Variants in ALOXE3 observed in about 807,000 individuals in gnomAD.
ALOXE3 encodes the protein arachidonate epidermal lipoxygenase 3.
Under a neutral mutation model 87.5 loss-of-function variants are expected in ALOXE3, and 78 were observed. The observed-to-expected ratio is 0.89, with a 90% CI of 0.74 to 1.08. The LOEUF is 1.08. Ranked by LOEUF, ALOXE3 falls within the 50% of genes least tolerant of loss-of-function variation. ALOXE3 has a pLI of 0.00. For synonymous variants in ALOXE3, 363 were observed against 370.8 expected (o/e 0.98, Z 0.24); for missense variants, 946 against 912.4 (o/e 1.04, Z -0.47).
intron 12 of ALOXE3, 50 bp downstream of exon 12, chr17:8,109,124 C>A (rs1199806065): frequency 1.2e-6 from 2 of 1,606,978 alleles, no homozygotes; most frequent in Non-Finnish European, 1.7e-6. Context: ...CACAATGTCC[C>A]AGGCCAGGAG....
chr17:8,108,335 A>G (rs866535155), intron 13 of ALOXE3, 133 bp downstream of exon 13: 5 of 1,383,022 alleles, frequency 3.6e-6, no homozygotes, highest in Admixed American at 4.1e-5. Context: ...GCCTCTTTCC[A>G]TATCTGCTAG....
rs576343064 is a variant in ALOXE3, at chr17:8,096,428, G to C, written c.*199C>G. ...TTGGTCAGCGGCTTTTAACCTGGAC[G>C]CTGCTGTGCTGGTCTCTCACAGCTC... On this transcript the variant is annotated 3_prime_UTR_variant, in exon 16 of 16. Coordinates refer to ENST00000448843, the MANE Select transcript of ALOXE3 (RefSeq NM_021628.3). 2 of 600,340 alleles carry C rather than the reference G, an allele frequency of 3.3e-6. No individual in the cohort carries two copies. Among genetic ancestry groups the C allele is most frequent in the African/African-American group, 3.7e-5 (2 of 54,290 alleles). 37.2% of individuals were successfully genotyped at this position (600,340 alleles called of 1,614,324 possible).
intron 15 of ALOXE3, among the ~76,000 whole-genome samples, chr17:8,099,037 T>G (rs1245905785): frequency 6.7e-6 from 1 of 150,188 alleles, no homozygotes; most frequent in African/African-American, 2.4e-5. Context: ...TTTTTTTTTT[T>G]TTGGAGAGAC....
Position 8,103,558 on chromosome 17 carries a change from C to T in ALOXE3, c.1786-65G>A, listed in dbSNP as rs976199846. The T allele has an allele frequency of 1.0e-5, 16 of 1,549,662 alleles. No individual in the cohort carries two copies. In the African/African-American group the frequency reaches 2.0e-4, roughly 20 times the overall value. On this transcript the variant is annotated intron_variant, in intron 14 of 15. Coordinates refer to ENST00000448843, the MANE Select transcript of ALOXE3 (RefSeq NM_021628.3). ...AGGGGAGTATCACCTCCCTCTTCACCATCCCTGATTCCACCTCTGCCGTCC... is the reference window on the plus strand; with the variant it reads ...AGGGGAGTATCACCTCCCTCTTCACTATCCCTGATTCCACCTCTGCCGTCC...
At chr17:8,113,894 A>G (rs569608497) in intron 6 of ALOXE3, among the ~76,000 whole-genome samples, 10 of 150,756 alleles carry the variant, frequency 6.6e-5, no homozygotes, top group South Asian at 2.1e-4. Flanking sequence ...GCATGGTGGC[A>G]CCTGCCTGTA....
chr17:8,106,542 A>G (rs1979325581), intron 13 of ALOXE3, among the ~76,000 whole-genome samples: 1 of 152,188 alleles, frequency 6.6e-6, no homozygotes, highest in Non-Finnish European at 1.5e-5. Context: ...CAAAAACAAA[A>G]AATAAAAACA....
chr17:8,099,155 G>A (rs540086249), intron 15 of ALOXE3, among the ~76,000 whole-genome samples: 87 of 151,624 alleles, frequency 5.7e-4, no homozygotes, highest in African/African-American at 2.0e-3. Flanking sequence ...ACTGCACCCG[G>A]CCTTATAATT....
In ALOXE3 at chr17:8,099,213, C is replaced by T. The variant is rs1037550310; in HGVS notation, c.1957-2407G>A. ...CACGTAAGCACTGTACATGAACCAT[C>T]GCAACCATACATCAACTCTGAAGAC... On this transcript the variant is annotated intron_variant, in intron 15 of 15. Coordinates refer to ENST00000448843, the MANE Select transcript of ALOXE3 (RefSeq NM_021628.3). 9.2e-5 allele frequency among the ~76,000 whole-genome samples: 14 copies of T among 152,040 alleles called. No individual in the cohort carries two copies. The South Asian group carries it at 2.1e-3, about 23-fold the overall frequency.
Position 8,118,174 on chromosome 17 carries a change from C to A in ALOXE3, c.-184G>T, listed in dbSNP as rs926517115. On this transcript the variant is annotated 5_prime_UTR_variant, in exon 2 of 16. Transcript: ENST00000448843. ...GTTCCTGGGCTTTCTCTCTCCGAAGCTCCCTGCTGGCGGCTCGGGCTTCCT... is the reference window on the plus strand; with the variant it reads ...GTTCCTGGGCTTTCTCTCTCCGAAGATCCCTGCTGGCGGCTCGGGCTTCCT... 1.3e-6 allele frequency: 2 copies of A among 1,551,616 alleles called. No individual in the cohort carries two copies. The highest frequency in any genetic ancestry group is 1.7e-6 in the Non-Finnish European group (2 of 1,147,002).
chr17:8,108,285 C>G (rs918453793), intron 13 of ALOXE3, among the ~76,000 whole-genome samples, 183 bp downstream of exon 13: 1 of 152,330 alleles, frequency 6.6e-6, no homozygotes, highest in East Asian at 1.9e-4. Context: ...TGGAGACAGT[C>G]GGAGCTGGCT....
At position 8,118,066 on chromosome 17, in the gene ALOXE3, C is replaced by G. The variant is rs1177542320; in HGVS notation, c.-76G>C. On this transcript the variant is annotated 5_prime_UTR_variant, in exon 2 of 16. Transcript: ENST00000448843. ...GGCCTGGAGGAGAAGAGCGGCACGC[C>G]GGACAGGGCTGGGTTTCTGGGCGGA... 4 of 1,577,444 alleles carry G rather than the reference C, an allele frequency of 2.5e-6. No homozygotes were observed. Among genetic ancestry groups the G allele is most frequent in the East Asian group, 2.3e-5 (1 of 43,572 alleles).
intron 14 of ALOXE3, 102 bp from the exon 15 acceptor site, chr17:8,103,595 G>A (rs1409415252): frequency 7.7e-7 from 1 of 1,300,980 alleles, no homozygotes; most frequent in African/African-American, 1.5e-5. Context: ...AGAGGTGATA[G>A]TTGGGAAATG....
rs536039448 is a variant in ALOXE3 at position 8,103,473 on chromosome 17, C to T, written c.1806G>A (p.Met602Ile). The change falls in exon 15 of 16, where the codon ATG becomes ATA. Residue 602 changes from methionine to isoleucine, a missense_variant. Transcript: ENST00000448843. ...GCCTCATGGATGATGGAGCATTGGG[C>T]ATCCAGGCCCCAAAGTCATGCTGTG... Reference protein sequence around the residue: ...NSGQHDFGAWMPNAPSSMRQP... With the variant: ...NSGQHDFGAWIPNAPSSMRQP... The T allele has an allele frequency of 1.9e-6, 3 of 1,614,142 alleles. No homozygotes were observed. The highest frequency in any genetic ancestry group is 1.3e-5 in the African/African-American group (1 of 75,036).
intron 15 of ALOXE3, among the ~76,000 whole-genome samples, chr17:8,100,161 A>C (rs1309954853): frequency 6.6e-6 from 1 of 151,800 alleles, no homozygotes; most frequent in African/African-American, 2.4e-5. Context: ...GGACGGAAGC[A>C]AAAAAAATAG....
chr17:8,109,863 G>C (rs1314080813), intron 11 of ALOXE3, 53 bp downstream of exon 11: 1 of 1,512,016 alleles, frequency 6.6e-7, no homozygotes, highest in African/African-American at 1.4e-5. Flanking sequence ...GGCGGGTAGC[G>C]GGGCAAAGCG....
At chr17:8,103,302 C>T (rs1598197812) in intron 15 of ALOXE3, 21 bp downstream of exon 15, 2 of 1,613,046 alleles carry the variant, frequency 1.2e-6, no homozygotes, top group Non-Finnish European at 1.7e-6. Context: ...CCCTACTCCC[C>T]TCAACATCCC....
intron 13 of ALOXE3, 148 bp from the exon 14 acceptor site, chr17:8,104,363 C>G: frequency 1.5e-6 from 1 of 665,580 alleles, no homozygotes; most frequent in Admixed American, 2.1e-5. Context: ...TAGGGATGGC[C>G]ACCACCAAGA....
Position 8,117,871 on chromosome 17 carries a change from T to TC in ALOXE3, c.119dup (p.Met41AsnfsTer23). On this transcript the variant is annotated frameshift_variant, in exon 2 of 16. Coordinates refer to ENST00000448843, the MANE Select transcript of ALOXE3 (RefSeq NM_021628.3). LOFTEE classifies it high-confidence loss of function. ...ATCCAGGGGCGAAGTCCCTGCCCAT[T>TC]CGATCTAGCCGCTGCTTGGGGCTTT... 1 of 1,611,654 alleles carries TC rather than the reference T, an allele frequency of 6.2e-7. No homozygotes were observed. The highest frequency in any genetic ancestry group is 1.7e-5 in the Admixed American group (1 of 59,876).
chr17:8,105,914 C>CAAAAA (rs1164518718), intron 13 of ALOXE3, among the ~76,000 whole-genome samples: 18 of 43,158 alleles, frequency 4.2e-4, no homozygotes, highest in African/African-American at 4.7e-4. Context: ...GACCCCGCCT[C>CAAAAA]AAAAAAAAAA....
Sources: gnomAD v4.1 joint callset for allele counts (sites outside exome capture counted in the v4.1 genomes callset) on GRCh38, gnomAD v4.1.1 for gene constraint, MANE v1.5 for transcripts, NCBI Gene and HGNC (gene_info 2026-07-23, HGNC 2026-07-21) for gene names.